The following NUP214 variants were observed in gnomAD, a reference collection of about 807,000 sequenced individuals.
The protein encoded by NUP214 is nuclear pore complex protein Nup214.
In NUP214, 79 loss-of-function variants were observed where a neutral mutation model predicts 196.2. The observed-to-expected ratio is 0.40, with a 90% CI of 0.34 to 0.49. The LOEUF (loss-of-function observed/expected upper bound fraction) is 0.49. Among genes scored for constraint, NUP214 ranks in the 20% least tolerant of loss-of-function variants. The pLI, the probability that NUP214 is intolerant of heterozygous loss-of-function variation, is 0.58. For missense variants in NUP214, 2,468 were observed against 2,539.0 expected (o/e 0.97, Z 0.60); for synonymous variants, 1,020 against 990.5 (o/e 1.03, Z -0.56).
chr9:131,198,877 G>T lies in NUP214; in HGVS notation c.5383G>T (p.Gly1795Trp), dbSNP rs369809205. Residue 1795 changes from glycine to tryptophan, a missense_variant, in exon 29 of 36, where the codon GGG (glycine) becomes TGG (tryptophan). Physicochemically the swap from Gly to Trp is radical, Grantham distance 184 (BLOSUM62 -2). Around this residue, in one of 5 missense-constraint regions of NUP214, gnomAD observed 1,801 missense variants for 1,779.4 expected, o/e 1.01. Coordinates refer to ENST00000359428, the MANE Select transcript of NUP214 (RefSeq NM_005085.4). Reference sequence around the variant, plus strand: ...TGGACAGTCTTCTCCCAACACAGGAGGGGGGCTGTTTGGCCAAAGCAACGC... The same window carrying T: ...TGGACAGTCTTCTCCCAACACAGGATGGGGGCTGTTTGGCCAAAGCAACGC... ...SFGQSSPNTG[G>W]GLFGQSNAPA... 51 of 1,614,068 alleles carry T rather than the reference G, an allele frequency of 3.2e-5. No homozygotes were observed. Among genetic ancestry groups the T allele is most frequent in the Non-Finnish European group, 3.4e-5 (40 of 1,180,044 alleles).
At position 131,215,217 on chromosome 9, in the gene NUP214, A is replaced by G. The variant is rs771546529; in HGVS notation, c.5598A>G (p.Ser1866=). The change falls in exon 31 of 36, where the codon TCA becomes TCG. Residue 1866 remains serine, a synonymous_variant. Coordinates refer to ENST00000359428, the MANE Select transcript of NUP214 (RefSeq NM_005085.4). The part of the protein sequence containing the change: ...STGGIVFGQQ[S]SSSSGSVFGS... Reference sequence around the variant, plus strand: ...CTGACCCTTTTGTTTTTTAGCAATCATCCTCTTCCAGTGGTAGCGTGTTTG... The same window carrying G: ...CTGACCCTTTTGTTTTTTAGCAATCGTCCTCTTCCAGTGGTAGCGTGTTTG... 60 of 1,527,426 alleles carry G rather than the reference A, an allele frequency of 3.9e-5. No individual in the cohort carries two copies. The highest frequency in any genetic ancestry group is 4.7e-5 in the Non-Finnish European group (54 of 1,140,300). 94.6% of individuals were successfully genotyped at this position (1,527,426 alleles called of 1,614,324 possible).
Position 131,214,840 on chromosome 9 carries a change from T to C in NUP214, c.5593-372T>C, listed in dbSNP as rs1834346575. 2.0e-5 allele frequency among the ~76,000 whole-genome samples: 3 copies of C among 152,242 alleles called. No homozygotes were observed. The South Asian group carries it at 6.2e-4, about 31-fold the overall frequency. ...ACGCTGGAGGAATCAGAATAAGTGG[T>C]GTCCGTAATAGCTTGTAAATGTTTT... is the stretch of plus-strand genomic sequence containing the variant. On this transcript the variant is annotated intron_variant, in intron 30 of 35. Coordinates refer to ENST00000359428, the MANE Select transcript of NUP214 (RefSeq NM_005085.4).
intron 11 of NUP214, 71 bp from the exon 12 acceptor site, chr9:131,144,209 A>G (rs2133491238): frequency 1.6e-6 from 2 of 1,215,102 alleles, no homozygotes; most frequent in South Asian, 1.4e-5. Context: ...ATTCTTTTTC[A>G]CTTGCTTTCT....
At chr9:131,161,835 A>G (rs943001913) in intron 18 of NUP214, among the ~76,000 whole-genome samples, 3 of 152,174 alleles carry the variant, frequency 2.0e-5, no homozygotes, top group Non-Finnish European at 4.4e-5. Flanking sequence ...TACCTAGATG[A>G]CATCACCTAT....
intron 18 of NUP214, among the ~76,000 whole-genome samples, chr9:131,162,616 T>G (rs893027638): frequency 3.3e-5 from 5 of 152,168 alleles, no homozygotes; most frequent in African/African-American, 4.8e-5. Flanking sequence ...TTTTTTTAAT[T>G]GAATATAATT....
intron 26 of NUP214, chr9:131,190,191 C>G (rs1460836503): frequency 5.2e-6 from 2 of 387,234 alleles, no homozygotes; most frequent in African/African-American, 4.2e-5. Context: ...CACTTCTCGA[C>G]CGGGGCCTAA....
Position 131,128,354 on chromosome 9 carries a change from A to G in NUP214, c.264A>G (p.Leu88=), listed in dbSNP as rs1478311709. 1 of 1,612,966 alleles carries G rather than the reference A, an allele frequency of 6.2e-7. No individual in the cohort carries two copies. Among genetic ancestry groups the G allele is most frequent in the Non-Finnish European group, 8.5e-7 (1 of 1,179,380 alleles). ...TAGTTGATAAAGTCCAAGGCTTGCT[A>G]GTTCCTATGAAATTCCCAATCCATC... is the stretch of plus-strand genomic sequence containing the variant. ...NKIVDKVQGL[L]VPMKFPIHHL... The change falls in exon 3 of 36, where the codon CTA becomes CTG. Residue 88 remains leucine, a synonymous_variant. Transcript: ENST00000359428.
intron 24 of NUP214, among the ~76,000 whole-genome samples, chr9:131,186,154 G>A (rs76549259): frequency 0.013 from 1,914 of 152,266 alleles, 24 homozygotes; most frequent in Non-Finnish European, 0.019. Context: ...CGGAGGTGAC[G>A]GGGGAACACT....
intron 17 of NUP214, among the ~76,000 whole-genome samples, chr9:131,158,831 C>G (rs1832538352): frequency 6.6e-6 from 1 of 152,214 alleles, no homozygotes; most frequent in African/African-American, 2.4e-5. Flanking sequence ...TCTGCCACCT[C>G]TGCCTCCTGG....
In NUP214 at chr9:131,151,647, C is replaced by T. The variant is rs115851424; in HGVS notation, c.2278-89C>T. 548 of 955,702 alleles carry T rather than the reference C, an allele frequency of 5.7e-4. 6 individuals are homozygous for T. In the African/African-American group the frequency reaches 8.1e-3, roughly 14 times the overall value. The allele number at this position is 955,702 out of a possible 1,614,324, so 59.2% of individuals were successfully genotyped here. A position where few individuals can be genotyped will look rare whatever the true frequency, so the allele number is the denominator to read the frequency against. ...TCAGATGTTCATTCTGTTCAGTGAG[C>T]GTTTGAGAAACACCACCTTCCTTGA... On this transcript the variant is annotated intron_variant, in intron 16 of 35. Transcript: ENST00000359428.
Position 131,198,496 on chromosome 9 carries a change from C to T in NUP214, c.5002C>T (p.Pro1668Ser), listed in dbSNP as rs1284289347. 1 of 1,614,238 alleles carries T rather than the reference C, an allele frequency of 6.2e-7. No homozygotes were observed. Among genetic ancestry groups the T allele is most frequent in the African/African-American group, 1.3e-5 (1 of 75,064 alleles). ...NQLTNNTATA[P>S]SATPVFGQVA... is the part of the protein sequence containing the mutation. ...GCTCACCAACAACACAGCCACTGCCCCCTCTGCCACGCCCGTGTTTGGGCA... is the reference window on the plus strand; with the variant it reads ...GCTCACCAACAACACAGCCACTGCCTCCTCTGCCACGCCCGTGTTTGGGCA... Residue 1668 changes from proline (P) to serine (S), a missense_variant, in exon 29 of 36, where the codon CCC becomes TCC. Physicochemically the swap from Pro to Ser is moderately conservative, Grantham distance 74. Coordinates refer to ENST00000359428, the MANE Select transcript of NUP214 (RefSeq NM_005085.4).
In NUP214 at chr9:131,151,817, G is replaced by A. The variant is rs560070479; in HGVS notation, c.2359G>A (p.Glu787Lys). The change falls in exon 17 of 36, where the codon GAA (glutamate) becomes AAA (lysine). Residue 787 changes from glutamate (E) to lysine (K), a missense_variant. Transcript: ENST00000359428. ...AGVEEAREQN[E>K]RNRDSGYLHL... ...TGTTGAGGAAGCCAGAGAACAAAAT[G>A]AAAGAAATCGTGACTCTGGTTATCT... 21 of 1,613,532 alleles carry A rather than the reference G, an allele frequency of 1.3e-5. No homozygotes were observed. In the East Asian group the frequency reaches 4.5e-4, roughly 34 times the overall value.
intron 24 of NUP214, among the ~76,000 whole-genome samples, chr9:131,183,097 A>T (rs978763018): frequency 6.6e-6 from 1 of 151,530 alleles, no homozygotes; most frequent in Non-Finnish European, 1.5e-5. Flanking sequence ...CCTCCCCACT[A>T]CCCCCCAGAT....
intron 29 of NUP214, among the ~76,000 whole-genome samples, chr9:131,200,163 AC>A (rs1833901283): frequency 6.6e-6 from 1 of 152,224 alleles, no homozygotes; most frequent in African/African-American, 2.4e-5. Flanking sequence ...CAAATTCAGA[AC>A]CCAGGAAGGA....
chr9:131,199,148 C>G (rs1205204119), intron 29 of NUP214, 133 bp downstream of exon 29: 2 of 1,126,118 alleles, frequency 1.8e-6, no homozygotes, highest in Admixed American at 5.5e-5. Context: ...AAGAAGACAG[C>G]TTGGAGCACA....
rs1832050343 is a variant in NUP214 at position 131,145,095 on chromosome 9, G to A, written c.1769+341G>A. Among the ~76,000 whole-genome samples, 2 of 152,116 alleles carry A rather than the reference G, an allele frequency of 1.3e-5. 1 individual carries two copies. Among genetic ancestry groups the A allele is most frequent in the Admixed American group, 1.3e-4 (2 of 15,262 alleles). ...ATCCTGGAAGGGAAATGAATCCCTTGTAGTCTTTTTTCCTCCCTGTGTCTA... is the reference window on the plus strand; with the variant it reads ...ATCCTGGAAGGGAAATGAATCCCTTATAGTCTTTTTTCCTCCCTGTGTCTA... On this transcript the variant is annotated intron_variant, in intron 12 of 35. Coordinates refer to ENST00000359428, the MANE Select transcript of NUP214 (RefSeq NM_005085.4).
intron 30 of NUP214, among the ~76,000 whole-genome samples, chr9:131,212,230 C>G (rs963314001): frequency 6.6e-6 from 1 of 152,174 alleles, no homozygotes; most frequent in African/African-American, 2.4e-5. Context: ...AACCCTGTCT[C>G]CTGATAAGAT....
At chr9:131,223,027 A>ACTT in intron 32 of NUP214, 97 bp downstream of exon 32, 1 of 1,206,930 alleles carries the variant, frequency 8.3e-7, no homozygotes, top group Non-Finnish European at 1.2e-6. Flanking sequence ...TTATCTTAAG[A>ACTT]GAGTAGGATT....
chr9:131,174,656 G>T (rs556045056), intron 22 of NUP214, among the ~76,000 whole-genome samples: 3 of 151,856 alleles, frequency 2.0e-5, no homozygotes, highest in Non-Finnish European at 4.4e-5. Flanking sequence ...ACCATGTTGT[G>T]TTGGCCAGGC....
Sources: allele counts gnomAD v4.1 joint callset (sites outside exome capture counted in the v4.1 genomes callset), GRCh38; gene constraint gnomAD v4.1.1; regional missense constraint gnomAD v4.1.1; transcripts MANE v1.5; gene names NCBI Gene and HGNC (gene_info 2026-07-23, HGNC 2026-07-21).